SEMA3A: variants seen among roughly 807,000 people sequenced by gnomAD.
SEMA3A encodes semaphorin-3A.
Under a neutral mutation model 97.9 loss-of-function variants are expected in SEMA3A, and 29 were observed. The ratio of observed to expected loss-of-function variants is 0.30; its 90% CI spans 0.22 to 0.40. The LOEUF (loss-of-function observed/expected upper bound fraction) is 0.40. Ranked by LOEUF, SEMA3A falls within the 10% of genes least tolerant of loss-of-function variation. SEMA3A has a pLI of 1.00. For synonymous variants in SEMA3A, 321 were observed against 323.7 expected (o/e 0.99, Z 0.09); for missense variants, 763 against 951.3 (o/e 0.80, Z 2.60).
chr7:84,312,055 T>TACTGC (rs1801334303), intron 2 of SEMA3A, among the ~76,000 whole-genome samples: 2 of 151,938 alleles, frequency 1.3e-5, no homozygotes, highest in South Asian at 4.1e-4. Context: ...TCTCGTCTTA[T>TACTGC]ACTGCCTCTA....
intron 3 of SEMA3A, among the ~76,000 whole-genome samples, chr7:84,250,140 T>C (rs563706553): frequency 6.6e-6 from 1 of 152,144 alleles, no homozygotes; most frequent in South Asian, 2.1e-4. Flanking sequence ...TGGTGTGTGA[T>C]TTCTTTTGAA....
At chr7:84,217,777 A>AT (rs1798784232) in intron 3 of SEMA3A, among the ~76,000 whole-genome samples, 1 of 150,072 alleles carries the variant, frequency 6.7e-6, no homozygotes, top group African/African-American at 2.4e-5. Context: ...AAAAAAAAAA[A>AT]TTATCCTCAG....
At chr7:84,481,087 A>G (rs1027777720) in intron 1 of SEMA3A, among the ~76,000 whole-genome samples, 1 of 152,144 alleles carries the variant, frequency 6.6e-6, no homozygotes, top group Non-Finnish European at 1.5e-5. Context: ...AGTGTCAAAG[A>G]TAAAGCTCAT....
At chr7:84,435,254 TAC>T (rs34631045) in intron 1 of SEMA3A, among the ~76,000 whole-genome samples, 2,488 of 147,268 alleles carry the variant, frequency 0.017, 88 homozygotes, top group East Asian at 0.16. Context: ...GTACAACAGC[TAC>T]ACACACACAC....
At chr7:84,485,436 G>GGC (rs1242476112) in intron 1 of SEMA3A, among the ~76,000 whole-genome samples, 1 of 151,766 alleles carries the variant, frequency 6.6e-6, no homozygotes, top group Non-Finnish European at 1.5e-5. Flanking sequence ...AGTGCAGTGG[G>GGC]GCGATCATAG....
At chr7:83,976,118 G>A (rs1207517255) in intron 15 of SEMA3A, among the ~76,000 whole-genome samples, 10 of 152,088 alleles carry the variant, frequency 6.6e-5, no homozygotes, top group Admixed American at 5.9e-4. Context: ...GTGAGCATTC[G>A]TAAATCAAAT....
At chr7:84,406,492 C>A (rs1425963182) in intron 1 of SEMA3A, among the ~76,000 whole-genome samples, 1 of 152,178 alleles carries the variant, frequency 6.6e-6, no homozygotes, top group Non-Finnish European at 1.5e-5. Context: ...TGGTAGCATT[C>A]CTTCTGAAAC....
chr7:84,211,628 A>C (rs1266974055), intron 3 of SEMA3A, among the ~76,000 whole-genome samples: 1 of 152,102 alleles, frequency 6.6e-6, no homozygotes. Context: ...ATCTAAAAAA[A>C]AAAAAATTAT....
intron 4 of SEMA3A, among the ~76,000 whole-genome samples, chr7:84,069,890 T>A (rs919960673): frequency 9.9e-5 from 15 of 152,150 alleles, no homozygotes; most frequent in Non-Finnish European, 1.9e-4. Context: ...TGAATTATCA[T>A]GAACGAACAG....
intron 3 of SEMA3A, among the ~76,000 whole-genome samples, chr7:84,210,005 G>T (rs887505763): frequency 6.6e-6 from 1 of 152,046 alleles, no homozygotes; most frequent in Non-Finnish European, 1.5e-5. Context: ...AGACAATAAT[G>T]TACATGTTCA....
chr7:84,351,794 C>T (rs1233306610), intron 2 of SEMA3A, among the ~76,000 whole-genome samples: 11 of 151,776 alleles, frequency 7.2e-5, no homozygotes, highest in Admixed American at 2.0e-4. Context: ...ACAGCCACTA[C>T]GGAGTATAAC....
In SEMA3A at chr7:84,011,163, C is replaced by T. The variant is rs554952241; in HGVS notation, c.925+20G>A. 3.7e-6 allele frequency: 6 copies of T among 1,605,410 alleles called. No individual in the cohort carries two copies. Among genetic ancestry groups the T allele is most frequent in the South Asian group, 3.3e-5 (3 of 90,896 alleles). ...AAAGTCTGAACAAATATTCTCTATACATAAACACTAGCTTCTTACGCAGTT... is the reference window on the plus strand; with the variant it reads ...AAAGTCTGAACAAATATTCTCTATATATAAACACTAGCTTCTTACGCAGTT... On this transcript the variant is annotated intron_variant, in intron 8 of 16. Transcript: ENST00000265362.
In SEMA3A at chr7:83,961,836, TA is replaced by T. The variant is rs747605860; in HGVS notation, c.1861-11del. On this transcript the variant is annotated splice_polypyrimidine_tract_variant and intron_variant, in intron 16 of 16. Transcript: ENST00000265362. ...GATCATCCACTCTGATCTAGCAGGT[TA>T]AAAAAAAGGCAGTGTAAAATATACA... The T allele has an allele frequency of 1.0e-4, 167 of 1,595,678 alleles. No homozygotes were observed. The highest frequency in any genetic ancestry group is 3.3e-4 in the Admixed American group (19 of 57,940).
At chr7:84,172,590 T>TTTTTGTA (rs1162642355) in intron 1 of SEMA3A, among the ~76,000 whole-genome samples, 8 of 151,764 alleles carry the variant, frequency 5.3e-5, no homozygotes, top group African/African-American at 1.9e-4. Flanking sequence ...CCCGGCTCAT[T>TTTTTGTA]TTTTGTATTT....
At chr7:84,311,210 A>G (rs977193127) in intron 2 of SEMA3A, among the ~76,000 whole-genome samples, 1 of 152,026 alleles carries the variant, frequency 6.6e-6, no homozygotes, top group Non-Finnish European at 1.5e-5. Flanking sequence ...CAACCAAAAT[A>G]TAACCTTCTG....
intron 3 of SEMA3A, among the ~76,000 whole-genome samples, chr7:84,239,573 T>G (rs1318089630): frequency 1.3e-5 from 2 of 152,192 alleles, no homozygotes; most frequent in African/African-American, 4.8e-5. Flanking sequence ...TCTGGTTATC[T>G]TTCTGACTAA....
chr7:84,005,501 T>C lies in SEMA3A; in HGVS notation c.1198A>G (p.Ile400Val), dbSNP rs36026860. 1.7e-4 allele frequency: 273 copies of C among 1,614,068 alleles called. No homozygotes were observed. In the African/African-American group the frequency reaches 2.9e-3, roughly 17 times the overall value. ...GCTGGATGACTTCTTGCAAAGGTTATAACATCATCAGGAAGGTCCTTTGTA... is the reference window on the plus strand; with the variant it reads ...GCTGGATGACTTCTTGCAAAGGTTACAACATCATCAGGAAGGTCCTTTGTA... ...DSTKDLPDDV[I>V]TFARSHPAMY... The change falls in exon 11 of 17, where the codon ATA becomes GTA. Residue 400 changes from isoleucine (I) to valine (V), a missense_variant. Ile to Val is a conservative substitution (Grantham distance 29). Transcript: ENST00000265362.
intron 2 of SEMA3A, among the ~76,000 whole-genome samples, chr7:84,332,188 A>C (rs1801924452): frequency 6.6e-6 from 1 of 152,090 alleles, no homozygotes. Context: ...GTTAATATCA[A>C]GTGGCTCATA....
chr7:84,164,166 A>AT (rs1383794847), intron 1 of SEMA3A, among the ~76,000 whole-genome samples: 2 of 152,120 alleles, frequency 1.3e-5, no homozygotes, highest in African/African-American at 4.8e-5. Context: ...TTTTTACCAA[A>AT]TATGTTTCAT....
Sources: gnomAD v4.1 joint callset for allele counts (sites outside exome capture counted in the v4.1 genomes callset) on GRCh38, gnomAD v4.1.1 for gene constraint, MANE v1.5 for transcripts, NCBI Gene and HGNC (gene_info 2026-07-23, HGNC 2026-07-21) for gene names.